Variants in TMEM117 observed in about 807,000 individuals in gnomAD.
TMEM117 encodes the protein transmembrane protein 117.
A neutral mutation model predicts 52.4 loss-of-function variants in TMEM117; 27 were observed. That is an observed-to-expected ratio of 0.51 (90% CI 0.38 to 0.71). The LOEUF (loss-of-function observed/expected upper bound fraction) is 0.71, where lower values mean the gene tolerates loss of function less well. Among genes scored for constraint, TMEM117 ranks in the 30% least tolerant of loss-of-function variants. The pLI is 0.00. For missense variants in TMEM117, 556 were observed against 630.5 expected (o/e 0.88, Z 1.26); for synonymous variants, 215 against 206.3 (o/e 1.04, Z -0.36).
At chr12:43,870,867 C>G (rs1943691803) in intron 2 of TMEM117, among the ~76,000 whole-genome samples, 1 of 152,318 alleles carries the variant, frequency 6.6e-6, no homozygotes, top group East Asian at 1.9e-4. Flanking sequence ...TCACTGCAAC[C>G]TCTGCCTCCT....
At chr12:44,008,287 T>G (rs1165565088) in intron 3 of TMEM117, among the ~76,000 whole-genome samples, 1 of 152,224 alleles carries the variant, frequency 6.6e-6, no homozygotes, top group Non-Finnish European at 1.5e-5. Context: ...GAGTCTTGAC[T>G]GTTATATATC....
chr12:44,147,951 AAAAG>A (rs1424560955), intron 4 of TMEM117, among the ~76,000 whole-genome samples: 1 of 151,978 alleles, frequency 6.6e-6, no homozygotes, highest in Non-Finnish European at 1.5e-5. Flanking sequence ...AAAAAAAAGA[AAAAG>A]AAAAAGACAA....
intron 5 of TMEM117, among the ~76,000 whole-genome samples, chr12:44,212,321 G>A (rs1043652195): frequency 6.6e-6 from 1 of 152,102 alleles, no homozygotes; most frequent in African/African-American, 2.4e-5. Flanking sequence ...TTACTTAGTA[G>A]CTATCTCACT....
intron 3 of TMEM117, among the ~76,000 whole-genome samples, chr12:44,048,158 G>A (rs531655727): frequency 6.6e-6 from 1 of 151,982 alleles, no homozygotes; most frequent in African/African-American, 2.4e-5. Flanking sequence ...CTTATCACAC[G>A]TTACAGTACA....
At chr12:44,130,291 A>G (rs1948393128) in intron 3 of TMEM117, among the ~76,000 whole-genome samples, 2 of 152,294 alleles carry the variant, frequency 1.3e-5, no homozygotes, top group East Asian at 1.9e-4. Flanking sequence ...TGCTCATGTT[A>G]TCATCACTGA....
At chr12:43,910,574 A>G (rs936538077) in intron 2 of TMEM117, among the ~76,000 whole-genome samples, 9 of 151,818 alleles carry the variant, frequency 5.9e-5, no homozygotes, top group African/African-American at 1.9e-4. Flanking sequence ...TGCAGACGAC[A>G]TGATTGTGTA....
intron 7 of TMEM117, among the ~76,000 whole-genome samples, chr12:44,387,027 G>A (rs915684667): frequency 6.6e-5 from 10 of 151,748 alleles, no homozygotes; most frequent in African/African-American, 2.4e-4. Context: ...TATAACTAAA[G>A]CTTCTGGAAC....
At chr12:44,125,032 C>G (rs953037340) in intron 3 of TMEM117, among the ~76,000 whole-genome samples, 1 of 152,124 alleles carries the variant, frequency 6.6e-6, no homozygotes, top group Non-Finnish European at 1.5e-5. Flanking sequence ...GTGAATCTGT[C>G]TGTCCTGGGC....
At chr12:44,091,152 AAG>A (rs1947665365) in intron 3 of TMEM117, among the ~76,000 whole-genome samples, 1 of 152,206 alleles carries the variant, frequency 6.6e-6, no homozygotes, top group African/African-American at 2.4e-5. Flanking sequence ...GCAAGAGAAA[AAG>A]AGAATGATGC....
intron 2 of TMEM117, among the ~76,000 whole-genome samples, chr12:43,855,829 T>C (rs1490979567): frequency 6.6e-6 from 1 of 152,240 alleles, no homozygotes. Flanking sequence ...TTTTGGTATG[T>C]TGAACTGCAC....
chr12:44,277,753 A>T (rs1011300712), intron 5 of TMEM117, among the ~76,000 whole-genome samples: 8 of 137,746 alleles, frequency 5.8e-5, no homozygotes, highest in Middle Eastern at 8.3e-3. Flanking sequence ...GCCAGACAAA[A>T]CTCTGAGCTT....
chr12:44,088,455 T>C (rs1380992538), intron 3 of TMEM117, among the ~76,000 whole-genome samples: 1 of 152,244 alleles, frequency 6.6e-6, no homozygotes, highest in East Asian at 1.9e-4. Context: ...TTAGAGCTTG[T>C]GATTTTTCCA....
At chr12:44,371,348 TTAA>T (rs1402713671) in intron 6 of TMEM117, among the ~76,000 whole-genome samples, 8 of 152,214 alleles carry the variant, frequency 5.3e-5, no homozygotes, top group Admixed American at 1.3e-4. Flanking sequence ...TCATTCAAGC[TTAA>T]TAATCTAATG....
intron 3 of TMEM117, among the ~76,000 whole-genome samples, chr12:44,036,325 T>A (rs1476141283): frequency 6.6e-6 from 1 of 152,242 alleles, no homozygotes; most frequent in Non-Finnish European, 1.5e-5. Flanking sequence ...ACTAATGTCC[T>A]GAAGCCTTCT....
chr12:43,956,539 CA>C (rs1945311233), intron 3 of TMEM117, among the ~76,000 whole-genome samples: 1 of 131,436 alleles, frequency 7.6e-6, no homozygotes, highest in East Asian at 2.5e-4. Flanking sequence ...ATGCAACCAA[CA>C]AACACATGAA....
At chr12:44,064,604 T>A (rs1328517649) in intron 3 of TMEM117, among the ~76,000 whole-genome samples, 1 of 152,198 alleles carries the variant, frequency 6.6e-6, no homozygotes, top group Non-Finnish European at 1.5e-5. Context: ...TCGTGATTAA[T>A]TTTTTAAAAA....
intron 6 of TMEM117, among the ~76,000 whole-genome samples, chr12:44,323,759 A>G (rs1354671574): frequency 6.6e-6 from 1 of 152,134 alleles, no homozygotes; most frequent in African/African-American, 2.4e-5. Flanking sequence ...TCCCAAACTT[A>G]CATTACTACG....
At chr12:44,362,452 C>T (rs1026514437) in intron 6 of TMEM117, among the ~76,000 whole-genome samples, 3 of 152,164 alleles carry the variant, frequency 2.0e-5, no homozygotes, top group African/African-American at 7.2e-5. Context: ...GAGGACAGAG[C>T]CTAGAGCCAT....
intron 6 of TMEM117, among the ~76,000 whole-genome samples, chr12:44,324,331 C>A (rs572940026): frequency 9.2e-5 from 14 of 152,116 alleles, no homozygotes; most frequent in African/African-American, 3.1e-4. Flanking sequence ...TCTTCAATAT[C>A]ATTACTATGC....
Sources: allele counts gnomAD v4.1 joint callset (sites outside exome capture counted in the v4.1 genomes callset), GRCh38; gene constraint gnomAD v4.1.1; transcripts MANE v1.5; gene names NCBI Gene and HGNC (gene_info 2026-07-23, HGNC 2026-07-21).